TLCD3A: variants seen among roughly 807,000 people sequenced by gnomAD.
TLCD3A encodes the protein TLC domain-containing protein 3A.
Under a neutral mutation model 29.9 loss-of-function variants are expected in TLCD3A, and 17 were observed. The ratio of observed to expected loss-of-function variants is 0.57; its 90% CI spans 0.39 to 0.85. TLCD3A has a LOEUF of 0.85. Among genes scored for constraint, TLCD3A ranks in the 40% least tolerant of loss-of-function variants. TLCD3A has a pLI of 0.00. For missense variants in TLCD3A, 332 were observed against 350.8 expected (o/e 0.95, Z 0.43); for synonymous variants, 143 against 147.7 (o/e 0.97, Z 0.23).
chr17:732,981 AGCCCGCTCC>A (rs1567768570), intron 1 of TLCD3A, 108 bp from the exon 2 acceptor site: 4 of 1,414,984 alleles, frequency 2.8e-6, no homozygotes, highest in Non-Finnish European at 3.8e-6. Flanking sequence ...GAGCCTCCGG[AGCCCGCTCC>A]CCACATCTGC....
chr17:732,985 C>G, intron 1 of TLCD3A, 113 bp from the exon 2 acceptor site: 1 of 1,420,842 alleles, frequency 7.0e-7, no homozygotes, highest in Non-Finnish European at 9.5e-7. Context: ...CTCCGGAGCC[C>G]GCTCCCCACA....
chr17:732,963 T>C (rs2144103755), intron 1 of TLCD3A, 135 bp from the exon 2 acceptor site: 1 of 1,392,810 alleles, frequency 7.2e-7, no homozygotes, highest in Non-Finnish European at 9.6e-7. Context: ...CGGGCGGGAA[T>C]GGCCGATGAG....
chr17:738,945 A>G (rs1974205730), intron 3 of TLCD3A, among the ~76,000 whole-genome samples: 1 of 151,870 alleles, frequency 6.6e-6, no homozygotes, highest in Non-Finnish European at 1.5e-5. Flanking sequence ...AGTTCAATAC[A>G]AGATAAAAAC....
chr17:738,616 C>CG (rs1974201738), intron 3 of TLCD3A, among the ~76,000 whole-genome samples: 2 of 152,166 alleles, frequency 1.3e-5, no homozygotes, highest in Non-Finnish European at 2.9e-5. Context: ...TCTGTCACCC[C>CG]GGGTGGAGTG....
At chr17:738,483 C>A (rs115992217) in intron 3 of TLCD3A, among the ~76,000 whole-genome samples, 12 of 152,312 alleles carry the variant, frequency 7.9e-5, no homozygotes, top group African/African-American at 2.6e-4. Context: ...CTTGTGCCTG[C>A]TGCTTCAGAG....
rs1974264926 is a variant in TLCD3A, at chr17:742,015, TGTC to T, written c.*449_*451del. ...GGGATGACTTGGTTCTTGGAAGTAA[TGTC>T]GTCTTGTGACATTGGCCTGGGACAA... On this transcript the variant is annotated 3_prime_UTR_variant, in exon 5 of 5. Transcript: ENST00000308278. 4.9e-6 allele frequency: 1 copy of T among 202,698 alleles called. No homozygotes were observed. Among genetic ancestry groups the T allele is most frequent in the Admixed American group, 5.4e-5 (1 of 18,628 alleles). The allele number at this position is 202,698 out of a possible 1,614,324, so 12.6% of individuals were successfully genotyped here. A position where few individuals can be genotyped will look rare whatever the true frequency, so the allele number is the denominator to read the frequency against.
chr17:738,006 C>T lies in TLCD3A; in HGVS notation c.367C>T (p.His123Tyr), dbSNP rs144784541. Reference protein sequence around the residue: ...FLSRNRLMITHHAVILFVLVP... With the variant: ...FLSRNRLMITYHAVILFVLVP... Reference sequence around the variant, plus strand: ...AAGTCGAAACCGCCTCATGATCACACATCATGCGGTCATTCTCTTTGTCCT... The same window carrying T: ...AAGTCGAAACCGCCTCATGATCACATATCATGCGGTCATTCTCTTTGTCCT... Residue 123 changes from histidine to tyrosine, a missense_variant, in exon 3 of 5, where the codon CAT becomes TAT. By Grantham distance (83) the His-to-Tyr change is moderately conservative. Coordinates refer to ENST00000308278, the MANE Select transcript of TLCD3A (RefSeq NM_024792.3). 6 of 1,608,886 alleles carry T rather than the reference C, an allele frequency of 3.7e-6. No homozygotes were observed. Among genetic ancestry groups the T allele is most frequent in the East Asian group, 4.5e-5 (2 of 44,468 alleles).
chr17:733,815 CT>C (rs1423624259), intron 2 of TLCD3A, among the ~76,000 whole-genome samples: 2 of 151,964 alleles, frequency 1.3e-5, no homozygotes, highest in African/African-American at 4.8e-5. Context: ...TATTTCAAGC[CT>C]TTTTTTTCCC....
intron 2 of TLCD3A, 68 bp from the exon 3 acceptor site, chr17:737,778 C>T: frequency 7.1e-7 from 1 of 1,410,162 alleles, no homozygotes; most frequent in Non-Finnish European, 1.0e-6. Context: ...AAGCACCAAG[C>T]TTGGCTGTGA....
chr17:740,332 C>T (rs1974228885), intron 3 of TLCD3A, among the ~76,000 whole-genome samples, 173 bp from the exon 4 acceptor site: 1 of 152,204 alleles, frequency 6.6e-6, no homozygotes, highest in Admixed American at 6.5e-5. Flanking sequence ...GATCCTAGGG[C>T]TTGGACCATC....
intron 2 of TLCD3A, among the ~76,000 whole-genome samples, chr17:734,571 C>A (rs1370590275): frequency 6.6e-6 from 1 of 152,172 alleles, no homozygotes; most frequent in Non-Finnish European, 1.5e-5. Flanking sequence ...GCCTGGGCCT[C>A]CCAAAGTGTT....
At chr17:733,244 T>C (rs1974104588) in intron 2 of TLCD3A, 63 bp downstream of exon 2, 5 of 1,405,988 alleles carry the variant, frequency 3.6e-6, no homozygotes, top group Non-Finnish European at 4.8e-6. Context: ...AGGCTCTGGC[T>C]CTCGCAGCAC....
In TLCD3A at chr17:737,889, A is replaced by T. The variant is rs1449950994; in HGVS notation, c.250A>T (p.Met84Leu). Reference sequence around the variant, plus strand: ...ATATGTGTGGTTTCTGATTCCATACATGATCTATGACTCGTACGCCATGTA... The same window carrying T: ...ATATGTGTGGTTTCTGATTCCATACTTGATCTATGACTCGTACGCCATGTA... ...REYVWFLIPYMIYDSYAMYLC... is the reference protein window; with the variant it reads ...REYVWFLIPYLIYDSYAMYLC... Residue 84 changes from methionine to leucine, a missense_variant, in exon 3 of 5, where the codon ATG (methionine) becomes TTG (leucine). By Grantham distance (15) the Met-to-Leu change is conservative. Transcript: ENST00000308278. The T allele has an allele frequency of 6.2e-7, 1 of 1,614,080 alleles. No individual in the cohort carries two copies. The highest frequency in any genetic ancestry group is 8.5e-7 in the Non-Finnish European group (1 of 1,180,020).
chr17:734,331 T>C (rs2144108290), intron 2 of TLCD3A, among the ~76,000 whole-genome samples: 1 of 151,582 alleles, frequency 6.6e-6, no homozygotes, highest in African/African-American at 2.4e-5. Flanking sequence ...TTTTTTACTT[T>C]TTTTTTTTCC....
At chr17:732,919 T>C in intron 1 of TLCD3A, 150 bp downstream of exon 1, 2 of 1,325,336 alleles carry the variant, frequency 1.5e-6, no homozygotes, top group Non-Finnish European at 2.0e-6. Context: ...CCGAAGCCCC[T>C]CCGCGTCCTC....
Position 741,472 on chromosome 17 carries a change from A to G in TLCD3A, c.676A>G (p.Asn226Asp). The G allele has an allele frequency of 6.2e-7, 1 of 1,614,192 alleles. No individual in the cohort carries two copies. Among genetic ancestry groups the G allele is most frequent in the South Asian group, 1.1e-5 (1 of 91,078 alleles). The change falls in exon 5 of 5, where the codon AAT (asparagine) becomes GAT (aspartate). Residue 226 changes from asparagine (N) to aspartate (D), a missense_variant. Physicochemically the swap from Asn to Asp is conservative, Grantham distance 23 (BLOSUM62 1). Transcript: ENST00000308278. ...CATCCCATTCTACTGCAACGTGGCC[A>G]ATGCCTTCCTCGTAGCTCCTCAGAT... ...FSIPFYCNVA[N>D]AFLVAPQIYW...
intron 3 of TLCD3A, among the ~76,000 whole-genome samples, chr17:740,227 G>A (rs895232655): frequency 1.3e-5 from 2 of 152,100 alleles, no homozygotes; most frequent in Admixed American, 6.6e-5. Context: ...GACTAAGTTC[G>A]ATACACAAAA....
At chr17:738,187 C>T in intron 3 of TLCD3A, 140 bp downstream of exon 3, 1 of 679,348 alleles carries the variant, frequency 1.5e-6, no homozygotes, top group Non-Finnish European at 2.4e-6. Flanking sequence ...CCTCCGCCTC[C>T]CGGGTTCAAG....
At chr17:735,955 C>G (rs1567769690) in intron 2 of TLCD3A, among the ~76,000 whole-genome samples, 1 of 122,048 alleles carries the variant, frequency 8.2e-6, no homozygotes, top group African/African-American at 3.2e-5. Context: ...GCCTGGGCGA[C>G]AGAGCAAGAT....
Sources: allele counts gnomAD v4.1 joint callset (sites outside exome capture counted in the v4.1 genomes callset), GRCh38; gene constraint gnomAD v4.1.1; transcripts MANE v1.5; gene names NCBI Gene and HGNC (gene_info 2026-07-23, HGNC 2026-07-21).